SAMMSON: variants seen among roughly 807,000 people sequenced by gnomAD.
SAMMSON encodes the protein survival associated mitochondrial melanoma specific oncogenic non-coding RNA.
intron 3 of SAMMSON, among the ~76,000 whole-genome samples, chr3:70,032,274 CA>C (rs949399102): frequency 2.2e-5 from 3 of 139,210 alleles, no homozygotes; most frequent in Non-Finnish European, 4.5e-5. Context: ...AGGGTACAGG[CA>C]AAAAAAATCT....
At chr3:70,213,599 T>C (rs895253085) in intron 4 of SAMMSON, among the ~76,000 whole-genome samples, 30 of 152,086 alleles carry the variant, frequency 2.0e-4, no homozygotes, top group African/African-American at 7.0e-4. Context: ...CAAATTATTG[T>C]GGTTAGTAAA....
At chr3:70,242,368 A>G (rs1203936967) in intron 4 of SAMMSON, among the ~76,000 whole-genome samples, 1 of 152,140 alleles carries the variant, frequency 6.6e-6, no homozygotes, top group East Asian at 1.9e-4. Flanking sequence ...CAGTTTTTAA[A>G]CTTTTTTCCC....
At position 70,050,125 on chromosome 3, in the gene SAMMSON, A is replaced by T. The variant is rs535917667; in HGVS notation, n.418-21351A>T. ...CTCTCAGAGCAGAAAGTGGCATGCT[A>T]GTGGCCAGAGAGAAGAACTGCCCCA... On this transcript the variant is annotated intron_variant and non_coding_transcript_variant, in intron 3 of 9. Transcript: ENST00000642114. Among the ~76,000 whole-genome samples the T allele has an allele frequency of 2.0e-5, 3 of 152,250 alleles. No homozygotes were observed. In the East Asian group the frequency reaches 5.8e-4, roughly 29 times the overall value.
At chr3:70,216,159 T>A (rs1701409739) in intron 4 of SAMMSON, among the ~76,000 whole-genome samples, 1 of 149,868 alleles carries the variant, frequency 6.7e-6, no homozygotes, top group African/African-American at 2.4e-5. Flanking sequence ...TATCTACATA[T>A]TTATATTTAT....
rs536038344 is a variant in SAMMSON, at chr3:70,106,540, A to G, written n.507+34975A>G. Among the ~76,000 whole-genome samples the G allele has an allele frequency of 4.0e-5, 6 of 148,780 alleles. No individual in the cohort carries two copies. In the East Asian group the frequency reaches 7.9e-4, roughly 20 times the overall value. ...TTTTTTCTAGAGATAGAGTCTTGGTATGTTACCCAGGCTGGTCTCGAACTC... is the reference window on the plus strand; with the variant it reads ...TTTTTTCTAGAGATAGAGTCTTGGTGTGTTACCCAGGCTGGTCTCGAACTC... On this transcript the variant is annotated intron_variant and non_coding_transcript_variant, in intron 4 of 9. Coordinates refer to ENST00000642114, the Ensembl canonical transcript of SAMMSON.
chr3:70,086,783 A>G (rs2067286893), intron 4 of SAMMSON, among the ~76,000 whole-genome samples: 1 of 152,222 alleles, frequency 6.6e-6, no homozygotes, highest in Admixed American at 6.5e-5. Context: ...GATTAGTTCC[A>G]ACAGCAGAGT....
At chr3:70,372,910 T>G (rs2106746936) in intron 9 of SAMMSON, among the ~76,000 whole-genome samples, 1 of 152,310 alleles carries the variant, frequency 6.6e-6, no homozygotes, top group African/African-American at 2.4e-5. Flanking sequence ...TTTAGGTACC[T>G]TACCTCCTTT....
At chr3:70,292,997 C>T (rs550067719) in intron 7 of SAMMSON, among the ~76,000 whole-genome samples, 1 of 131,058 alleles carries the variant, frequency 7.6e-6, no homozygotes, top group African/African-American at 2.9e-5. Context: ...GAAATAAAGG[C>T]TATTTGCAGG....
chr3:70,235,071 T>A (rs1409144648), intron 4 of SAMMSON, among the ~76,000 whole-genome samples: 2 of 152,204 alleles, frequency 1.3e-5, no homozygotes, highest in African/African-American at 4.8e-5. Context: ...GATTGCACTT[T>A]GCTGCAGAAT....
chr3:70,065,472 G>C (rs956383729), intron 3 of SAMMSON, among the ~76,000 whole-genome samples: 1 of 152,002 alleles, frequency 6.6e-6, no homozygotes, highest in Non-Finnish European at 1.5e-5. Context: ...ACTATTATTA[G>C]ATTGAGAGAC....
intron 7 of SAMMSON, among the ~76,000 whole-genome samples, chr3:70,306,176 T>G (rs1476053539): frequency 6.6e-6 from 1 of 152,180 alleles, no homozygotes; most frequent in Non-Finnish European, 1.5e-5. Flanking sequence ...TGGTCTCAGC[T>G]CACTGCAACC....
intron 3 of SAMMSON, among the ~76,000 whole-genome samples, chr3:70,038,998 G>A (rs1393698240): frequency 1.3e-5 from 2 of 152,096 alleles, no homozygotes; most frequent in Admixed American, 6.6e-5. Context: ...AGACAGGGAT[G>A]TGGTTATGTT....
At chr3:70,385,404 G>A (rs1703112355) in intron 9 of SAMMSON, among the ~76,000 whole-genome samples, 1 of 152,108 alleles carries the variant, frequency 6.6e-6, no homozygotes, top group Non-Finnish European at 1.5e-5. Flanking sequence ...TTTCATTGTT[G>A]TAGGTGTGTG....
At chr3:70,084,200 T>C (rs1482129294) in intron 4 of SAMMSON, among the ~76,000 whole-genome samples, 1 of 152,174 alleles carries the variant, frequency 6.6e-6, no homozygotes, top group Non-Finnish European at 1.5e-5. Context: ...CAAACCTCAG[T>C]GGGAGTGCCC....
chr3:70,391,293 TAAA>T (rs1701046256), downstream of SAMMSON, among the ~76,000 whole-genome samples: 1 of 152,160 alleles, frequency 6.6e-6, no homozygotes, highest in Admixed American at 6.6e-5. Flanking sequence ...ATTTTGGACT[TAAA>T]AGGCTCAAAT....
chr3:70,388,069 C>T (rs942228896), intron 9 of SAMMSON, among the ~76,000 whole-genome samples: 1 of 152,038 alleles, frequency 6.6e-6, no homozygotes, highest in East Asian at 1.9e-4. Flanking sequence ...CGTTGGTCAA[C>T]AAACAGGAAA....
At chr3:70,431,959 G>A (rs1701417331) in intron 2 of SAMMSON, among the ~76,000 whole-genome samples, 1 of 151,914 alleles carries the variant, frequency 6.6e-6, no homozygotes, top group South Asian at 2.1e-4. Flanking sequence ...ATACCACAAT[G>A]TATTTATTAA....
At chr3:70,391,732 A>T (rs901408177), downstream of SAMMSON, among the ~76,000 whole-genome samples, 4 of 152,150 alleles carry the variant, frequency 2.6e-5, no homozygotes, top group Admixed American at 2.6e-4. Flanking sequence ...CCTGGTGTTA[A>T]ACAAAATGCA....
At chr3:70,106,741 G>A (rs914787757) in intron 4 of SAMMSON, among the ~76,000 whole-genome samples, 9 of 152,098 alleles carry the variant, frequency 5.9e-5, no homozygotes, top group African/African-American at 1.7e-4. Flanking sequence ...ACTAAGGGGC[G>A]ACTCTTAAAA....
Sources: gnomAD v4.1 joint callset for allele counts (sites outside exome capture counted in the v4.1 genomes callset) on GRCh38, gnomAD v4.1.1 for gene constraint, MANE v1.5 for transcripts, NCBI Gene and HGNC (gene_info 2026-07-23, HGNC 2026-07-21) for gene names.